The following RBFOX1 variants were observed in gnomAD, a reference collection of about 807,000 sequenced individuals.
The protein encoded by RBFOX1 is RNA binding fox-1 homolog 1.
Under a neutral mutation model 57.7 loss-of-function variants are expected in RBFOX1, and 8 were observed. The observed-to-expected ratio is 0.14, with a 90% CI of 0.08 to 0.25. The LOEUF (loss-of-function observed/expected upper bound fraction) is 0.25. RBFOX1 is among the 10% of genes least tolerant of loss of function. The probability of loss-of-function intolerance (pLI) is 1.00; values close to 1 mark genes in which losing one functional copy is unlikely to be tolerated. For missense variants in RBFOX1, 611 were observed against 548.5 expected (o/e 1.11, Z -1.14); for synonymous variants, 326 against 222.4 (o/e 1.47, Z -4.15).
At chr16:7,704,618 A>G (rs1037583199) in intron 14 of RBFOX1, among the ~76,000 whole-genome samples, 9 of 152,208 alleles carry the variant, frequency 5.9e-5, no homozygotes. Flanking sequence ...CAGACAAAAT[A>G]GACACTGCCC....
At chr16:6,939,427 A>G (rs1338398607) in intron 3 of RBFOX1, among the ~76,000 whole-genome samples, 1 of 151,858 alleles carries the variant, frequency 6.6e-6, no homozygotes, top group Admixed American at 6.6e-5. Context: ...AGCTATATAT[A>G]GTAGACATCT....
chr16:6,153,033 G>GTTTTTTTTTTT (rs59957159), intron 1 of RBFOX1, among the ~76,000 whole-genome samples: 1 of 128,128 alleles, frequency 7.8e-6, no homozygotes, highest in Non-Finnish European at 1.7e-5. Context: ...GTTATTTTCT[G>GTTTTTTTTTTT]TTTTTTTTTT....
At chr16:5,780,331 T>A in intron 3 of RBFOX1, among the ~76,000 whole-genome samples, 1 of 152,216 alleles carries the variant, frequency 6.6e-6, no homozygotes, top group East Asian at 1.9e-4. Context: ...TTCTTACCTT[T>A]CTATAATCTT....
chr16:7,131,341 CTTTTTTTTTTTT>C (rs34213849), intron 4 of RBFOX1, among the ~76,000 whole-genome samples: 19 of 71,760 alleles, frequency 2.6e-4, no homozygotes, highest in Admixed American at 6.6e-4. Context: ...GCGAGACTGT[CTTTTTTTTTTTT>C]TTTTTTTTTT....
At chr16:7,019,127 CTGAT>C (rs1372774099) in intron 3 of RBFOX1, among the ~76,000 whole-genome samples, 2 of 151,744 alleles carry the variant, frequency 1.3e-5, no homozygotes, top group African/African-American at 4.8e-5. Context: ...GGTAATGATA[CTGAT>C]TGAGTTGAAA....
chr16:5,471,912 A>G (rs978251610), intron 2 of RBFOX1, among the ~76,000 whole-genome samples: 19 of 152,144 alleles, frequency 1.2e-4, no homozygotes, highest in Non-Finnish European at 2.6e-4. Context: ...GCCCCGCTTC[A>G]TGCAGCATGG....
intron 3 of RBFOX1, among the ~76,000 whole-genome samples, chr16:6,877,272 A>G (rs1393055087): frequency 6.6e-6 from 1 of 152,206 alleles, no homozygotes; most frequent in Non-Finnish European, 1.5e-5. Context: ...AGAAAGATGG[A>G]TGGGTTGACT....
chr16:6,939,637 G>C (rs2078005569), intron 3 of RBFOX1, among the ~76,000 whole-genome samples: 1 of 151,588 alleles, frequency 6.6e-6, no homozygotes, highest in South Asian at 2.1e-4. Flanking sequence ...TCAACCACCT[G>C]AGTAGCTGCG....
intron 3 of RBFOX1, among the ~76,000 whole-genome samples, chr16:6,947,953 T>G (rs548112612): frequency 9.1e-4 from 138 of 152,200 alleles, no homozygotes; most frequent in African/African-American, 3.2e-3. Context: ...ATTTTTGTAT[T>G]TTTTAAATAG....
chr16:6,273,781 C>G (rs1022948315), intron 1 of RBFOX1, among the ~76,000 whole-genome samples: 2 of 152,060 alleles, frequency 1.3e-5, no homozygotes, highest in Non-Finnish European at 2.9e-5. Context: ...AAGCTTCAGA[C>G]TTAGAGGAAA....
At chr16:7,339,855 A>G (rs956108359) in intron 4 of RBFOX1, among the ~76,000 whole-genome samples, 1 of 152,222 alleles carries the variant, frequency 6.6e-6, no homozygotes, top group Non-Finnish European at 1.5e-5. Flanking sequence ...GAATTCAGGA[A>G]TTTTGACAAG....
chr16:6,062,780 G>A (rs1310872549), intron 1 of RBFOX1, among the ~76,000 whole-genome samples: 3 of 151,734 alleles, frequency 2.0e-5, no homozygotes, highest in East Asian at 1.9e-4. Flanking sequence ...TTTACTCTTA[G>A]GAATTGTCTC....
At position 7,630,678 on chromosome 16, in the gene RBFOX1, C is replaced by G; in HGVS notation, c.752C>G (p.Ser251Cys). ...GCCCCCAGTTCACTTGTATATACTT[C>G]TGCAAGTAAGCCCACTGTCGTGGCT... ...YSAPSSLVYTSAMPGFPYPAA... is the reference protein window; with the variant it reads ...YSAPSSLVYTCAMPGFPYPAA... Residue 251 changes from serine (S) to cysteine (C), a missense_variant, in exon 11 of 16, where the codon TCT becomes TGT. By Grantham distance (112) the Ser-to-Cys change is moderately radical (BLOSUM62 -1). Around this residue, in one of 3 missense-constraint regions of RBFOX1, gnomAD observed 267 missense variants for 229.1 expected, o/e 1.17. Coordinates refer to ENST00000550418, the MANE Select transcript of RBFOX1 (RefSeq NM_018723.4). The G allele has an allele frequency of 6.2e-7, 1 of 1,614,166 alleles. No individual in the cohort carries two copies. The highest frequency in any genetic ancestry group is 8.5e-7 in the Non-Finnish European group (1 of 1,180,022).
At chr16:5,872,673 T>G (rs1391375045) in intron 4 of RBFOX1, among the ~76,000 whole-genome samples, 1 of 151,866 alleles carries the variant, frequency 6.6e-6, no homozygotes, top group East Asian at 1.9e-4. Context: ...GAGGTTGAGG[T>G]TGCAGTGAGG....
At chr16:7,083,606 T>C (rs565113688) in intron 4 of RBFOX1, among the ~76,000 whole-genome samples, 1 of 152,284 alleles carries the variant, frequency 6.6e-6, no homozygotes, top group Admixed American at 6.5e-5. Context: ...CTAACTCAGA[T>C]GCACAAGAAA....
chr16:6,762,402 A>C (rs927668633), intron 3 of RBFOX1, among the ~76,000 whole-genome samples: 1 of 152,176 alleles, frequency 6.6e-6, no homozygotes, highest in African/African-American at 2.4e-5. Flanking sequence ...ATTAGCAAAC[A>C]GTACTTAATT....
intron 5 of RBFOX1, among the ~76,000 whole-genome samples, chr16:7,568,139 A>C (rs1270899723): frequency 6.6e-6 from 1 of 152,134 alleles, no homozygotes; most frequent in Non-Finnish European, 1.5e-5. Flanking sequence ...TTCGAGGTGA[A>C]TCCATCAAGT....
intron 1 of RBFOX1, among the ~76,000 whole-genome samples, chr16:6,080,257 T>G (rs1257719116): frequency 6.6e-6 from 1 of 151,962 alleles, no homozygotes; most frequent in Non-Finnish European, 1.5e-5. Context: ...GTTGATCTCG[T>G]GTGGATCATC....
rs543498917 is a variant in RBFOX1 at position 5,892,847 on chromosome 16, G to C, written c.351+25512G>C. On this transcript the variant is annotated intron_variant, in intron 4 of 19. Coordinates refer to the RBFOX1 transcript ENST00000641259. The stretch of plus-strand genomic sequence containing the variant: ...TGCAGAGTGCGCTGGAGCTGAGCAT[G>C]TGAGATTCAGCACCCCAGGTGCCAT... 1.6e-4 allele frequency among the ~76,000 whole-genome samples: 24 copies of C among 152,306 alleles called. No individual in the cohort carries two copies. The South Asian group carries it at 5.0e-3, about 32-fold the overall frequency.
Sources: allele counts gnomAD v4.1 joint callset (sites outside exome capture counted in the v4.1 genomes callset), GRCh38; gene constraint gnomAD v4.1.1; regional missense constraint gnomAD v4.1.1; transcripts MANE v1.5; gene names NCBI Gene and HGNC (gene_info 2026-07-23, HGNC 2026-07-21).